MAP3K5: variants seen among roughly 807,000 people sequenced by gnomAD.
MAP3K5 encodes ASK-1.
Under a neutral mutation model 158.7 loss-of-function variants are expected in MAP3K5, and 56 were observed. The observed-to-expected ratio is 0.35, with a 90% CI of 0.28 to 0.44. The LOEUF (loss-of-function observed/expected upper bound fraction) is 0.44. MAP3K5 is among the 20% of genes least tolerant of loss of function. The pLI is 1.00. For synonymous variants in MAP3K5, 579 were observed against 601.7 expected (o/e 0.96, Z 0.55); for missense variants, 1,294 against 1,674.8 (o/e 0.77, Z 3.97).
intron 14 of MAP3K5, among the ~76,000 whole-genome samples, chr6:136,634,363 C>T (rs1006580439): frequency 3.9e-5 from 6 of 152,026 alleles, no homozygotes; most frequent in African/African-American, 9.7e-5. Context: ...CATTCATTCA[C>T]GTTTTGCTAA....
chr6:136,570,974 G>A (rs1254585748), intron 25 of MAP3K5, among the ~76,000 whole-genome samples: 1 of 152,192 alleles, frequency 6.6e-6, no homozygotes, highest in African/African-American at 2.4e-5. Flanking sequence ...TAAAGCCTGA[G>A]AAGCAAGCTG....
At chr6:136,596,405 G>A (rs758648278) in intron 21 of MAP3K5, among the ~76,000 whole-genome samples, 20 of 152,166 alleles carry the variant, frequency 1.3e-4, no homozygotes, top group Non-Finnish European at 2.6e-4. Flanking sequence ...CCCAGTGATC[G>A]CGTGGAAGGG....
At chr6:136,681,140 A>C (rs913204391) in intron 7 of MAP3K5, among the ~76,000 whole-genome samples, 1 of 152,228 alleles carries the variant, frequency 6.6e-6, no homozygotes, top group Non-Finnish European at 1.5e-5. Flanking sequence ...CAGATTTGCA[A>C]ACAATCGCTT....
intron 7 of MAP3K5, among the ~76,000 whole-genome samples, chr6:136,690,949 G>T (rs143214827): frequency 6.6e-6 from 1 of 152,174 alleles, no homozygotes; most frequent in African/African-American, 2.4e-5. Context: ...ATATTTTAAA[G>T]ACATTATCAG....
At chr6:136,612,521 G>A (rs1252534220) in intron 17 of MAP3K5, among the ~76,000 whole-genome samples, 1 of 152,012 alleles carries the variant, frequency 6.6e-6, no homozygotes, top group Non-Finnish European at 1.5e-5. Flanking sequence ...GGGCTTTTTG[G>A]TTGATTTTAG....
chr6:136,570,052 T>C (rs1332494036), intron 25 of MAP3K5, among the ~76,000 whole-genome samples: 2 of 152,158 alleles, frequency 1.3e-5, no homozygotes, highest in African/African-American at 4.8e-5. Flanking sequence ...TTCCTCGTTT[T>C]ACCTAGATTT....
rs747832623 is a variant in MAP3K5 at position 136,614,159 on chromosome 6, C to T, written c.2278G>A (p.Gly760Arg). ...TTTTAAAGAAAGAAATATCTCTTAC[C>T]TCCAGGGACCTGCTCCATGAAGATT... The part of the protein sequence containing the change: ...IKIFMEQVPG[G>R]SLSALLRSKW... Residue 760 changes from glycine (G) to arginine (R), a missense_variant and splice_region_variant, in exon 16 of 30, where the codon GGA (glycine) becomes AGA (arginine). Transcript: ENST00000359015. The T allele has an allele frequency of 1.2e-6, 2 of 1,611,052 alleles. No homozygotes were observed. The highest frequency in any genetic ancestry group is 2.7e-5 in the African/African-American group (2 of 74,624).
intron 1 of MAP3K5, among the ~76,000 whole-genome samples, chr6:136,753,369 G>GA (rs1783310922): frequency 6.6e-6 from 1 of 152,076 alleles, no homozygotes; most frequent in South Asian, 2.1e-4. Context: ...TGGTGTTGAT[G>GA]AAAACACCTT....
intron 11 of MAP3K5, among the ~76,000 whole-genome samples, chr6:136,646,233 T>A (rs1778249415): frequency 6.6e-6 from 1 of 152,092 alleles, no homozygotes; most frequent in Non-Finnish European, 1.5e-5. Context: ...AAGGACAACA[T>A]AAATAAAATT....
chr6:136,648,246 A>G (rs1284892085), intron 11 of MAP3K5, among the ~76,000 whole-genome samples: 8 of 152,254 alleles, frequency 5.3e-5, no homozygotes, highest in Admixed American at 5.2e-4. Flanking sequence ...ATAATGAAAA[A>G]GAATCAAGCT....
intron 11 of MAP3K5, among the ~76,000 whole-genome samples, chr6:136,645,899 G>A (rs1778231131): frequency 6.6e-6 from 1 of 152,080 alleles, no homozygotes; most frequent in Non-Finnish European, 1.5e-5. Flanking sequence ...CTAATTTTAG[G>A]AAAAATTTTT....
At chr6:136,619,647 AAAG>A (rs1643259848) in intron 15 of MAP3K5, among the ~76,000 whole-genome samples, 1 of 152,328 alleles carries the variant, frequency 6.6e-6, no homozygotes, top group African/African-American at 2.4e-5. Flanking sequence ...GTGACTCCTC[AAAG>A]AAGGATGGAC....
At chr6:136,694,971 T>C (rs1780539646) in intron 6 of MAP3K5, among the ~76,000 whole-genome samples, 1 of 152,130 alleles carries the variant, frequency 6.6e-6, no homozygotes. Context: ...TGATTCCATT[T>C]ATATGAAATG....
chr6:136,745,519 T>C (rs1782901760), intron 1 of MAP3K5, among the ~76,000 whole-genome samples: 1 of 152,138 alleles, frequency 6.6e-6, no homozygotes, highest in Non-Finnish European at 1.5e-5. Context: ...ACTGAATGGC[T>C]CTTTCTCCCC....
chr6:136,772,097 A>AG (rs1784224026), intron 1 of MAP3K5, among the ~76,000 whole-genome samples: 8 of 111,712 alleles, frequency 7.2e-5, no homozygotes, highest in African/African-American at 3.3e-4. Flanking sequence ...TTTAGTAGAA[A>AG]TGGGGGGGGG....
At chr6:136,776,924 C>T (rs902321090) in intron 1 of MAP3K5, among the ~76,000 whole-genome samples, 1 of 152,196 alleles carries the variant, frequency 6.6e-6, no homozygotes, top group Non-Finnish European at 1.5e-5. Flanking sequence ...GGGTAACCCA[C>T]TCATATGTCA....
intron 24 of MAP3K5, among the ~76,000 whole-genome samples, chr6:136,583,327 T>A (rs565703399): frequency 1.3e-5 from 2 of 152,328 alleles, no homozygotes; most frequent in Admixed American, 1.3e-4. Context: ...TTTGTTATTT[T>A]CCATGGTGAT....
intron 12 of MAP3K5, among the ~76,000 whole-genome samples, chr6:136,640,807 C>T (rs1332006705): frequency 1.3e-5 from 2 of 152,160 alleles, no homozygotes; most frequent in East Asian, 3.9e-4. Context: ...AGCTGCTGAC[C>T]TAGTTGGATT....
At chr6:136,645,776 G>C (rs1235824692) in intron 11 of MAP3K5, among the ~76,000 whole-genome samples, 1 of 152,130 alleles carries the variant, frequency 6.6e-6, no homozygotes, top group Admixed American at 6.6e-5. Flanking sequence ...GAAAGTTGCA[G>C]TATAAAGTAT....
Sources: gnomAD v4.1 joint callset for allele counts (sites outside exome capture counted in the v4.1 genomes callset) on GRCh38, gnomAD v4.1.1 for gene constraint, MANE v1.5 for transcripts, NCBI Gene and HGNC (gene_info 2026-07-23, HGNC 2026-07-21) for gene names.